Variants in NINJ2 observed in about 807,000 individuals in gnomAD.
NINJ2 encodes ninjurin 2.
Under a neutral mutation model 11.7 loss-of-function variants are expected in NINJ2, and 12 were observed. The observed-to-expected ratio is 1.02, with a 90% confidence interval of 0.66 to 1.66. NINJ2 has a LOEUF of 1.66. NINJ2 is among the 40% of genes most tolerant of loss of function. NINJ2 has a pLI of 0.00. For synonymous variants in NINJ2, 93 were observed against 76.8 expected, an observed-to-expected ratio of 1.21 and a Z score of -1.10; for missense variants, 187 against 181.8, an observed-to-expected ratio of 1.03 and a Z score of -0.16.
At chr12:635,053 CTTT>C (rs1186262966) in intron 1 of NINJ2, among the ~76,000 whole-genome samples, 6 of 140,806 alleles carry the variant, frequency 4.3e-5, no homozygotes, top group Admixed American at 1.4e-4. Flanking sequence ...TCCCCATATA[CTTT>C]TTTTTTTTTT....
chr12:617,720 G>A (rs1008520567), intron 1 of NINJ2, among the ~76,000 whole-genome samples: 2 of 152,202 alleles, frequency 1.3e-5, no homozygotes, highest in Non-Finnish European at 2.9e-5. Context: ...TCCCCAGGAC[G>A]TTCTGGTTTC....
At position 566,156 on chromosome 12, in the gene NINJ2, C is replaced by T; in HGVS notation, c.56G>A (p.Ser19Asn). Residue 19 changes from serine (S) to asparagine (N), a missense_variant, in exon 2 of 4, where the codon AGC (serine) becomes AAC (asparagine). By Grantham distance (46) the Ser-to-Asn change is conservative. Coordinates refer to ENST00000305108, the MANE Select transcript of NINJ2 (RefSeq NM_016533.6). ...GTAATGGTTCAGGTTGATGGGCTGG[C>T]TCCTGGGGTCGGAGCTTCCAGGCTG... ...DLQPGSSDPR[S>N]QPINLNHYAT... is the part of the protein sequence containing the mutation. 1.2e-6 allele frequency: 2 copies of T among 1,613,858 alleles called. No homozygotes were observed. The highest frequency in any genetic ancestry group is 1.7e-6 in the Non-Finnish European group (2 of 1,179,816).
intron 1 of NINJ2, among the ~76,000 whole-genome samples, chr12:661,028 T>C (rs1292768361): frequency 6.6e-6 from 1 of 152,288 alleles, no homozygotes. Flanking sequence ...TTACCACCCA[T>C]TGGTGATAAT....
In NINJ2 at chr12:580,922, G is replaced by T. The variant is rs540231474; in HGVS notation, c.34-14744C>A. Among the ~76,000 whole-genome samples, 56 of 151,772 alleles carry T rather than the reference G, an allele frequency of 3.7e-4. No homozygotes were observed. The highest frequency in any genetic ancestry group is 1.3e-3 in the African/African-American group (54 of 41,348). ...TGTCTGTGTGTGTGTCTGTATGTTTGTGTGTGTGTGCCTGTGTGTCTGTGT... is the reference window on the plus strand; with the variant it reads ...TGTCTGTGTGTGTGTCTGTATGTTTTTGTGTGTGTGCCTGTGTGTCTGTGT... On this transcript the variant is annotated intron_variant, in intron 1 of 3. Transcript: ENST00000305108. This position sits in a 1 kb window ranked among gnomAD's most constrained non-coding sequence, Gnocchi z 4.7.
intron 1 of NINJ2, among the ~76,000 whole-genome samples, chr12:623,615 G>A (rs978995351): frequency 1.3e-5 from 2 of 152,262 alleles, no homozygotes; most frequent in African/African-American, 4.8e-5. Flanking sequence ...ATGAGTGAGA[G>A]GCGACAGGCT....
chr12:565,871 G>T, intron 2 of NINJ2, 79 bp downstream of exon 2: 1 of 1,223,718 alleles, frequency 8.2e-7, no homozygotes, highest in Non-Finnish European at 1.2e-6. Context: ...AATGCAGGGT[G>T]GCCCAGGGGA....
At chr12:572,807 C>T (rs1307253427) in intron 1 of NINJ2, among the ~76,000 whole-genome samples, 1 of 151,392 alleles carries the variant, frequency 6.6e-6, no homozygotes, top group East Asian at 1.9e-4. Flanking sequence ...GATCACACAG[C>T]ACAGAGTTTT....
chr12:611,245 T>C (rs991284604), intron 1 of NINJ2, among the ~76,000 whole-genome samples: 154 of 113,168 alleles, frequency 1.4e-3, no homozygotes, highest in African/African-American at 2.8e-3. Flanking sequence ...CTTTCTTTCT[T>C]TCTCTCTCTC....
intron 1 of NINJ2, among the ~76,000 whole-genome samples, chr12:656,618 G>A (rs1007768959): frequency 6.6e-6 from 1 of 151,454 alleles, no homozygotes; most frequent in East Asian, 1.9e-4. Flanking sequence ...ATGTGGTGGC[G>A]GGCCCCTGTA....
At chr12:663,263 C>G in intron 1 of NINJ2, 65 bp downstream of exon 1, 1 of 1,450,674 alleles carries the variant, frequency 6.9e-7, no homozygotes, top group Non-Finnish European at 9.6e-7. Context: ...AGTATCAATC[C>G]TCTGTTCTTC....
chr12:651,332 G>A (rs541706720), intron 1 of NINJ2, among the ~76,000 whole-genome samples: 1 of 152,290 alleles, frequency 6.6e-6, no homozygotes, highest in East Asian at 1.9e-4. Context: ...GGTGACCTGG[G>A]GGAAGGGGAA....
intron 1 of NINJ2, among the ~76,000 whole-genome samples, chr12:624,428 T>C (rs1041397744): frequency 6.6e-6 from 1 of 152,250 alleles, no homozygotes; most frequent in Non-Finnish European, 1.5e-5. Context: ...GGAAAATGTA[T>C]GAATGAATGA....
chr12:570,122 G>A (rs887952201), intron 1 of NINJ2, among the ~76,000 whole-genome samples: 4 of 152,250 alleles, frequency 2.6e-5, no homozygotes, highest in African/African-American at 4.8e-5. Context: ...GCCAGAGTTC[G>A]AGAATCAACC....
At chr12:638,622 A>G (rs1022923830) in intron 1 of NINJ2, among the ~76,000 whole-genome samples, 3 of 152,148 alleles carry the variant, frequency 2.0e-5, no homozygotes, top group East Asian at 1.9e-4. Context: ...TCACCGTGTT[A>G]GCCATGATGG....
rs532181008 is a variant in NINJ2 at position 585,505 on chromosome 12, A to G, written c.34-19327T>C. Among the ~76,000 whole-genome samples, 127 of 149,680 alleles carry G rather than the reference A, an allele frequency of 8.5e-4. 1 individual carries two copies. Among genetic ancestry groups the G allele is most frequent in the African/African-American group, 3.0e-3 (121 of 40,946 alleles). ...GGAACGGTTGGAGGGAAGGGAAGGG[A>G]ACGGTTGGAGGGAAGGGAAGGGAAC... On this transcript the variant is annotated intron_variant, in intron 1 of 3. Transcript: ENST00000305108. This position sits in a 1 kb window ranked among gnomAD's most constrained non-coding sequence, Gnocchi z 4.1.
chr12:576,286 G>T (rs539724815), intron 1 of NINJ2, among the ~76,000 whole-genome samples: 21 of 152,136 alleles, frequency 1.4e-4, no homozygotes, highest in Non-Finnish European at 2.5e-4. Context: ...ACCAGGGGGC[G>T]CCAGGAAACG....
At chr12:621,591 C>G (rs144070699) in intron 1 of NINJ2, among the ~76,000 whole-genome samples, 3 of 147,446 alleles carry the variant, frequency 2.0e-5, no homozygotes, top group African/African-American at 7.5e-5. Context: ...GAGGCCGAGA[C>G]GGGAGATGGG....
intron 1 of NINJ2, among the ~76,000 whole-genome samples, chr12:634,889 G>T (rs1385449870): frequency 2.0e-5 from 3 of 152,094 alleles, no homozygotes; most frequent in African/African-American, 7.2e-5. Context: ...ATAAGTACAA[G>T]AGGTTGGAAG....
intron 1 of NINJ2, among the ~76,000 whole-genome samples, chr12:584,588 C>T (rs1947606525): frequency 6.6e-6 from 1 of 150,940 alleles, no homozygotes. Flanking sequence ...GGTGGATCAT[C>T]TGAGATGAGG....
Sources: gnomAD v4.1 joint callset for allele counts (sites outside exome capture counted in the v4.1 genomes callset) on GRCh38, gnomAD v4.1.1 for gene constraint, Gnocchi (gnomAD v3.1) non-coding constraint, MANE v1.5 for transcripts, NCBI Gene and HGNC (gene_info 2026-07-23, HGNC 2026-07-21) for gene names.